MTDH: variants seen among roughly 807,000 people sequenced by gnomAD.
MTDH encodes the protein metadherin, also known as protein LYRIC.
A neutral mutation model predicts 72.7 loss-of-function variants in MTDH; 34 were observed. The ratio of observed to expected loss-of-function variants is 0.47; its 90% CI spans 0.36 to 0.62. MTDH has a LOEUF of 0.62. MTDH is among the 20% of genes least tolerant of loss of function. The pLI, the probability that MTDH is intolerant of heterozygous loss-of-function variation, is 0.00. For synonymous variants in MTDH, 266 were observed against 268.9 expected (o/e 0.99, Z 0.10); for missense variants, 677 against 699.4 (o/e 0.97, Z 0.36).
chr8:97,674,652 A>C (rs966505119), intron 2 of MTDH, among the ~76,000 whole-genome samples: 5 of 152,218 alleles, frequency 3.3e-5, no homozygotes, highest in Non-Finnish European at 2.9e-5. Flanking sequence ...ATTTTAAAAA[A>C]CATTGTTAAT....
chr8:97,692,839 C>T (rs114767521), intron 6 of MTDH, among the ~76,000 whole-genome samples: 373 of 152,068 alleles, frequency 2.5e-3, no homozygotes, highest in African/African-American at 8.3e-3. Context: ...AAGCATTTCT[C>T]ATGCCTCAGC....
At chr8:97,648,498 T>C (rs955367347) in intron 1 of MTDH, among the ~76,000 whole-genome samples, 3 of 152,020 alleles carry the variant, frequency 2.0e-5, no homozygotes, top group Admixed American at 6.5e-5. Flanking sequence ...AATTGTCTTT[T>C]TTTTTTTTTT....
chr8:97,644,679 C>T lies in MTDH; in HGVS notation c.173C>T (p.Ala58Val). Residue 58 changes from alanine (A) to valine (V), a missense_variant, in exon 1 of 12, where the codon GCG becomes GTG. Coordinates refer to ENST00000336273, the MANE Select transcript of MTDH (RefSeq NM_178812.4). ...PGWVILVGTG[A>V]LGLLLLFLLG... is the part of the protein sequence containing the mutation. The stretch of plus-strand genomic sequence containing the variant: ...TGGGTGATCCTGGTGGGCACTGGCG[C>T]GCTCGGGCTGCTGCTGCTGTTTCTG... 3 of 1,605,230 alleles carry T rather than the reference C, an allele frequency of 1.9e-6. No individual in the cohort carries two copies. The highest frequency in any genetic ancestry group is 1.4e-5 in the African/African-American group (1 of 73,480).
intron 7 of MTDH, among the ~76,000 whole-genome samples, chr8:97,701,318 CAT>C (rs1814114821): frequency 1.3e-5 from 2 of 152,138 alleles, no homozygotes; most frequent in South Asian, 4.1e-4. Context: ...ATATAACCTA[CAT>C]ATGTCTTCCC....
chr8:97,708,749 A>G (rs1393339391), intron 8 of MTDH, among the ~76,000 whole-genome samples: 2 of 146,778 alleles, frequency 1.4e-5, no homozygotes, highest in Non-Finnish European at 1.5e-5. Context: ...ACAGGCATGC[A>G]TCACCATGCC....
chr8:97,720,552 G>A (rs36032896), intron 10 of MTDH, among the ~76,000 whole-genome samples: 26,310 of 151,462 alleles, frequency 0.17, 3,423 homozygotes, highest in African/African-American at 0.34. Context: ...CTCCAGCCTG[G>A]GCGACAAAGT....
chr8:97,712,700 GT>G, intron 8 of MTDH, among the ~76,000 whole-genome samples: 2 of 152,280 alleles, frequency 1.3e-5, no homozygotes, highest in Middle Eastern at 6.8e-3. Context: ...AGTTGTCACT[GT>G]TTTTTATTTT....
chr8:97,668,472 A>G (rs958357750), intron 2 of MTDH, among the ~76,000 whole-genome samples: 2 of 152,114 alleles, frequency 1.3e-5, no homozygotes, highest in Non-Finnish European at 2.9e-5. Context: ...AAAGAAAAGG[A>G]AAAAAATTGC....
chr8:97,661,276 T>A, intron 2 of MTDH, 103 bp downstream of exon 2: 1 of 763,646 alleles, frequency 1.3e-6, no homozygotes. Context: ...ACCTCTCATT[T>A]AAACAAAACT....
chr8:97,686,610 A>G (rs1161994958), intron 2 of MTDH, 58 bp from the exon 3 acceptor site: 4 of 1,035,862 alleles, frequency 3.9e-6, no homozygotes, highest in Non-Finnish European at 5.4e-6. Context: ...TATTTTACTG[A>G]CTCCTACTTA....
At position 97,644,425 on chromosome 8, in the gene MTDH, G is replaced by T; in HGVS notation, c.-82G>T. On this transcript the variant is annotated 5_prime_UTR_variant, in exon 1 of 12. Transcript: ENST00000336273. ...GCTCGGCCTGAGGTTACCCGGCCCG[G>T]CCCTTCCTCGCTTCCCTCGACTATT... 2 of 1,485,940 alleles carry T rather than the reference G, an allele frequency of 1.3e-6. No individual in the cohort carries two copies. The highest frequency in any genetic ancestry group is 1.8e-6 in the Non-Finnish European group (2 of 1,124,698). The allele number at this position is 1,485,940 out of a possible 1,614,324, so 92.0% of individuals were successfully genotyped here.
chr8:97,720,896 C>T (rs1485982646), intron 10 of MTDH, among the ~76,000 whole-genome samples: 1 of 151,502 alleles, frequency 6.6e-6, no homozygotes, highest in African/African-American at 2.4e-5. Context: ...TCAAGTGATC[C>T]GCCTGCCTCA....
At chr8:97,693,822 C>G (rs2131016582) in intron 6 of MTDH, among the ~76,000 whole-genome samples, 1 of 152,154 alleles carries the variant, frequency 6.6e-6, no homozygotes, top group Middle Eastern at 3.4e-3. Flanking sequence ...CTCAAAAGAT[C>G]TTCCTGCCTT....
intron 2 of MTDH, among the ~76,000 whole-genome samples, chr8:97,671,706 G>A (rs1317791373): frequency 6.6e-6 from 1 of 152,040 alleles, no homozygotes; most frequent in East Asian, 1.9e-4. Flanking sequence ...AGCTTGGCAT[G>A]GTGGTACGTG....
intron 1 of MTDH, among the ~76,000 whole-genome samples, chr8:97,649,197 G>T (rs1811672466): frequency 6.6e-6 from 1 of 152,168 alleles, no homozygotes; most frequent in Non-Finnish European, 1.5e-5. Context: ...ATTAAGCAGT[G>T]TATGACTGTA....
chr8:97,644,865 A>G lies in MTDH; in HGVS notation c.359A>G (p.Lys120Arg). ...RSEEQKKKNR[K>R]KLSEKPKPNG... is the part of the protein sequence containing the mutation. ...GAGGAACAGAAGAAGAAGAACCGGA[A>G]GAAACTGTCCGAGAAGCCCAAAGTG... Residue 120 changes from lysine (K) to arginine (R), a missense_variant, in exon 1 of 12, where the codon AAG (lysine) becomes AGG (arginine). Physicochemically the swap from Lys to Arg is conservative, Grantham distance 26. Coordinates refer to ENST00000336273, the MANE Select transcript of MTDH (RefSeq NM_178812.4). The G allele has an allele frequency of 6.4e-7, 1 of 1,570,078 alleles. No individual in the cohort carries two copies. Among genetic ancestry groups the G allele is most frequent in the Non-Finnish European group, 8.6e-7 (1 of 1,166,686 alleles).
chr8:97,674,512 A>C (rs1221535326), intron 2 of MTDH, among the ~76,000 whole-genome samples: 1 of 152,210 alleles, frequency 6.6e-6, no homozygotes, highest in Non-Finnish European at 1.5e-5. Flanking sequence ...CCCAGTTTGT[A>C]TATATATTTG....
At chr8:97,705,440 G>A (rs1294780358) in intron 7 of MTDH, among the ~76,000 whole-genome samples, 5 of 143,150 alleles carry the variant, frequency 3.5e-5, no homozygotes, top group Middle Eastern at 4.2e-3. Context: ...TCTCTACTAA[G>A]AATACAAAAA....
rs533675930 is a variant in MTDH at position 97,711,695 on chromosome 8, C to T, written c.1273-1967C>T. Among the ~76,000 whole-genome samples the T allele has an allele frequency of 3.3e-5, 5 of 152,264 alleles. No homozygotes were observed. The South Asian group carries it at 1.0e-3, about 32-fold the overall frequency. ...CTGAAACCACAGATAGTGTCAAACC[C>T]TAGGTATACTATGCTTTTTCCTATA... On this transcript the variant is annotated intron_variant, in intron 8 of 11. Transcript: ENST00000336273.
Sources: allele counts gnomAD v4.1 joint callset (sites outside exome capture counted in the v4.1 genomes callset), GRCh38; gene constraint gnomAD v4.1.1; transcripts MANE v1.5; gene names NCBI Gene and HGNC (gene_info 2026-07-23, HGNC 2026-07-21).